LHPP: variants seen among roughly 807,000 people sequenced by gnomAD.
LHPP encodes the protein phospholysine phosphohistidine inorganic pyrophosphate phosphatase.
Under a neutral mutation model 30.3 loss-of-function variants are expected in LHPP, and 24 were observed. The ratio of observed to expected loss-of-function variants is 0.79; its 90% CI spans 0.57 to 1.11. The LOEUF is 1.11. LHPP is among the 50% of genes most tolerant of loss of function. The pLI is 0.00. For missense variants in LHPP, 356 were observed against 367.2 expected, an observed-to-expected ratio of 0.97 and a Z score of 0.25; for synonymous variants, 150 against 157.1, an observed-to-expected ratio of 0.95 and a Z score of 0.34.
chr10:124,601,138 G>C (rs1949015027), intron 6 of LHPP, among the ~76,000 whole-genome samples: 1 of 152,132 alleles, frequency 6.6e-6, no homozygotes, highest in African/African-American at 2.4e-5. Flanking sequence ...CAGATTCAGA[G>C]ACACCCCCAG....
At chr10:124,492,480 T>C (rs1953564464) in intron 3 of LHPP, among the ~76,000 whole-genome samples, 1 of 152,182 alleles carries the variant, frequency 6.6e-6, no homozygotes, top group African/African-American at 2.4e-5. Flanking sequence ...GGCTGTGTGC[T>C]GGTGGGATTC....
At chr10:124,609,822 T>A (rs1949144695) in intron 6 of LHPP, among the ~76,000 whole-genome samples, 1 of 152,222 alleles carries the variant, frequency 6.6e-6, no homozygotes, top group Non-Finnish European at 1.5e-5. Context: ...CGGCAGGAAC[T>A]CACCCCAGAT....
Position 124,592,480 on chromosome 10 carries a change from C to G in LHPP, c.717-20784C>G, listed in dbSNP as rs528723020. Among the ~76,000 whole-genome samples the G allele has an allele frequency of 1.3e-5, 2 of 152,242 alleles. No individual in the cohort carries two copies. The highest frequency in any genetic ancestry group is 2.9e-5 in the Non-Finnish European group (2 of 68,050). On this transcript the variant is annotated intron_variant, in intron 6 of 6. Coordinates refer to ENST00000368842, the MANE Select transcript of LHPP (RefSeq NM_022126.4). This position sits in a 1 kb window ranked among gnomAD's most constrained non-coding sequence, Gnocchi z 6.2. ...ATGAGTCACTGGGGCATTCCCCGAA[C>G]TTGGGAAAAGCCCTGACCCCAGAAT...
intron 1 of LHPP, among the ~76,000 whole-genome samples, chr10:124,481,308 C>A (rs1467234707): frequency 6.6e-6 from 1 of 151,678 alleles, no homozygotes; most frequent in Non-Finnish European, 1.5e-5. Flanking sequence ...GCTGTCACTA[C>A]CACTCATGGC....
At chr10:124,485,470 T>C (rs1953296521) in intron 2 of LHPP, among the ~76,000 whole-genome samples, 1 of 152,088 alleles carries the variant, frequency 6.6e-6, no homozygotes, top group Admixed American at 6.6e-5. Flanking sequence ...GCATCCGTGT[T>C]TTCAATAACT....
intron 3 of LHPP, among the ~76,000 whole-genome samples, chr10:124,488,952 C>A (rs368401100): frequency 1.4e-4 from 21 of 152,256 alleles, no homozygotes; most frequent in East Asian, 9.7e-4. Context: ...TTGGAGAATG[C>A]TCTCAAGGGT....
intron 5 of LHPP, among the ~76,000 whole-genome samples, chr10:124,502,334 T>C (rs1471730233): frequency 6.6e-6 from 1 of 151,894 alleles, no homozygotes. Flanking sequence ...TCCAGAGTTC[T>C]CTACTGTCAT....
At chr10:124,547,747 A>G (rs1173774006) in intron 6 of LHPP, among the ~76,000 whole-genome samples, 2 of 144,328 alleles carry the variant, frequency 1.4e-5, no homozygotes, top group African/African-American at 5.5e-5. Flanking sequence ...CAGCGGGGCC[A>G]TCGGGCGTCC....
intron 3 of LHPP, among the ~76,000 whole-genome samples, chr10:124,489,157 A>T (rs572705677): frequency 9.2e-4 from 140 of 152,372 alleles, no homozygotes; most frequent in African/African-American, 3.2e-3. Flanking sequence ...ACACTGAGAT[A>T]GCACATGTTC....
intron 6 of LHPP, among the ~76,000 whole-genome samples, chr10:124,542,241 G>T (rs2133946145): frequency 6.6e-6 from 1 of 152,310 alleles, no homozygotes; most frequent in African/African-American, 2.4e-5. Context: ...GCACAGATCG[G>T]ACTGTGACCC....
intron 6 of LHPP, among the ~76,000 whole-genome samples, chr10:124,579,061 G>A (rs764139509): frequency 2.5e-4 from 38 of 152,218 alleles, no homozygotes; most frequent in Non-Finnish European, 4.1e-4. Context: ...TCTCCCCGTC[G>A]AAGTGGCTCT....
intron 6 of LHPP, among the ~76,000 whole-genome samples, chr10:124,574,816 A>G (rs1323891688): frequency 6.6e-6 from 1 of 152,076 alleles, no homozygotes; most frequent in African/African-American, 2.4e-5. Flanking sequence ...CGTCTTCCTG[A>G]GGCCTCCATC....
At chr10:124,574,510 G>C (rs1948632502) in intron 6 of LHPP, among the ~76,000 whole-genome samples, 1 of 152,202 alleles carries the variant, frequency 6.6e-6, no homozygotes, top group South Asian at 2.1e-4. Flanking sequence ...GGCACCGGGG[G>C]CTGCAGAGCT....
chr10:124,602,269 C>A (rs551930749), intron 6 of LHPP, among the ~76,000 whole-genome samples: 2 of 152,364 alleles, frequency 1.3e-5, no homozygotes, highest in East Asian at 3.9e-4. Flanking sequence ...GGGTCTCTCT[C>A]CTCATCTCAG....
chr10:124,562,496 G>T (rs1272287226), intron 6 of LHPP, among the ~76,000 whole-genome samples: 3 of 151,980 alleles, frequency 2.0e-5, no homozygotes, highest in African/African-American at 7.3e-5. Context: ...TCAGAACAGA[G>T]AAAAAATAGA....
intron 6 of LHPP, among the ~76,000 whole-genome samples, chr10:124,533,465 G>T (rs574517019): frequency 1.8e-4 from 27 of 152,340 alleles, no homozygotes; most frequent in African/African-American, 6.0e-4. Context: ...CCTTACTTCC[G>T]ATGACCTTGT....
In LHPP at chr10:124,593,364, C is replaced by T. The variant is rs1444575891; in HGVS notation, c.717-19900C>T. ...TTAGGTACAGCCTCCCTGGCCGCCT[C>T]GGATGAGCATCTGCCCCTCCCGGGC... On this transcript the variant is annotated intron_variant, in intron 6 of 6. Coordinates refer to ENST00000368842, the MANE Select transcript of LHPP (RefSeq NM_022126.4). The surrounding 1 kb of genome is among the most constrained non-coding windows in gnomAD (Gnocchi z 4.9). 2.0e-5 allele frequency among the ~76,000 whole-genome samples: 3 copies of T among 152,202 alleles called. No homozygotes were observed. Among genetic ancestry groups the T allele is most frequent in the East Asian group, 1.9e-4 (1 of 5,194 alleles).
Position 124,531,420 on chromosome 10 carries a change from A to G in LHPP, c.716+14149A>G, listed in dbSNP as rs181932337. Among the ~76,000 whole-genome samples the G allele has an allele frequency of 7.9e-5, 12 of 152,360 alleles. No homozygotes were observed. The East Asian group carries it at 1.7e-3, about 22-fold the overall frequency. ...GATTTCCAGAATAGAAAGAAATTCCATACACCCTTCTCCCAGAGACAGACC... is the reference window on the plus strand; with the variant it reads ...GATTTCCAGAATAGAAAGAAATTCCGTACACCCTTCTCCCAGAGACAGACC... On this transcript the variant is annotated intron_variant, in intron 6 of 6. Coordinates refer to ENST00000368842, the MANE Select transcript of LHPP (RefSeq NM_022126.4).
chr10:124,608,337 G>GCCAGC (rs1202859121), intron 6 of LHPP, among the ~76,000 whole-genome samples: 1 of 140,202 alleles, frequency 7.1e-6, no homozygotes, highest in Non-Finnish European at 1.6e-5. Flanking sequence ...TACCTCCCTG[G>GCCAGC]CCAGCCCAGC....
Sources: allele counts gnomAD v4.1 joint callset (sites outside exome capture counted in the v4.1 genomes callset), GRCh38; gene constraint gnomAD v4.1.1; non-coding constraint Gnocchi (gnomAD v3.1); transcripts MANE v1.5; gene names NCBI Gene and HGNC (gene_info 2026-07-23, HGNC 2026-07-21).